Variants in CRYBG1 observed in about 807,000 individuals in gnomAD.
CRYBG1 encodes the protein crystallin beta-gamma domain containing 1, also known as beta/gamma crystallin domain-containing protein 1.
CRYBG1 carries 139 observed loss-of-function variants against 189.2 expected under a neutral mutation model. The ratio of observed to expected loss-of-function variants is 0.73; its 90% CI spans 0.64 to 0.85. The LOEUF (loss-of-function observed/expected upper bound fraction) is 0.85. CRYBG1 is among the 40% of genes least tolerant of loss of function. The pLI is 0.00. For missense variants in CRYBG1, 2,611 were observed against 2,675.8 expected (o/e 0.98, Z 0.53); for synonymous variants, 1,023 against 1,017.1 (o/e 1.01, Z -0.11).
In CRYBG1 at chr6:106,521,326, T is replaced by C. The variant is rs1162909071; in HGVS notation, c.4118T>C (p.Ile1373Thr). The C allele has an allele frequency of 3.7e-6, 6 of 1,614,056 alleles. No individual in the cohort carries two copies. The highest frequency in any genetic ancestry group is 4.5e-5 in the East Asian group (2 of 44,904). ...KNDDMEKANH[I>T]ESVIKSNLPN... is the part of the protein sequence containing the mutation. ...GATGATATGGAAAAGGCTAATCATA[T>C]TGAAAGTGTTATTAAATCAAACTTG... The change falls in exon 4 of 22, where the codon ATT (isoleucine) becomes ACT (threonine). Residue 1373 changes from isoleucine to threonine, a missense_variant. By Grantham distance (89) the Ile-to-Thr change is moderately conservative. Transcript: ENST00000633556.
At chr6:106,565,372 AAAC>A (rs1262183079) in intron 21 of CRYBG1, among the ~76,000 whole-genome samples, 2 of 152,192 alleles carry the variant, frequency 1.3e-5, no homozygotes, top group East Asian at 3.8e-4. Context: ...GATTTTTAAA[AAAC>A]AACTTTTCTG....
rs1774135394 is a variant in CRYBG1, at chr6:106,541,711, A to G, written c.4881+90A>G. 1.8e-5 allele frequency: 16 copies of G among 908,560 alleles called. No homozygotes were observed. The East Asian group carries it at 4.0e-4, about 23-fold the overall frequency. 56.3% of individuals were successfully genotyped at this position (908,560 alleles called of 1,614,324 possible). ...ATGTACTTAATGTTATTCCCACTCC[A>G]TCTCTATGAAGATATTGCTTATGTG... On this transcript the variant is annotated intron_variant, in intron 10 of 21. Coordinates refer to ENST00000633556, the MANE Select transcript of CRYBG1 (RefSeq NM_001371242.2).
chr6:106,522,268 C>T (rs1334069678), intron 4 of CRYBG1, among the ~76,000 whole-genome samples: 1 of 152,150 alleles, frequency 6.6e-6, no homozygotes, highest in Non-Finnish European at 1.5e-5. Flanking sequence ...CTCTTTGTTC[C>T]CATAAGTAGC....
Position 106,519,581 on chromosome 6 carries a change from A to G in CRYBG1, c.2373A>G (p.Thr791=). Residue 791 remains threonine, a synonymous_variant, in exon 4 of 22, where the codon ACA becomes ACG. Transcript: ENST00000633556. ...AAGATGATAAAGCAGATGTACAAAC[A>G]GATGCTGGCTGCCTTTCAGAACCAG... ...PNQDDKADVQ[T]DAGCLSEPVA... is the part of the protein sequence containing the mutation. 1 of 1,614,236 alleles carries G rather than the reference A, an allele frequency of 6.2e-7. No homozygotes were observed. Among genetic ancestry groups the G allele is most frequent in the Non-Finnish European group, 8.5e-7 (1 of 1,180,028 alleles).
rs143617229 is a variant in CRYBG1, at chr6:106,493,496, C to A, written c.313-17934C>A. 2.3e-4 allele frequency among the ~76,000 whole-genome samples: 35 copies of A among 152,236 alleles called. No individual in the cohort carries two copies. The East Asian group carries it at 6.6e-3, about 29-fold the overall frequency. ...TCTACCAGTCTCAGGGTGTATATAT[C>A]CAAAAGCATTGAGAGCAGGATCTCA... On this transcript the variant is annotated intron_variant, in intron 2 of 21. Transcript: ENST00000633556.
At chr6:106,562,473 T>C (rs142712666) in intron 20 of CRYBG1, among the ~76,000 whole-genome samples, 2 of 136,940 alleles carry the variant, frequency 1.5e-5, no homozygotes, top group Non-Finnish European at 3.1e-5. Flanking sequence ...AGTGCTTTCA[T>C]CTCAATATAG....
At chr6:106,486,637 C>T (rs9386555) in intron 2 of CRYBG1, among the ~76,000 whole-genome samples, 18,673 of 152,024 alleles carry the variant, frequency 0.12, 1,321 homozygotes, top group East Asian at 0.27. Context: ...ACAATAGTTA[C>T]AGCTTCTTGT....
At chr6:106,491,144 A>G (rs1772713771) in intron 2 of CRYBG1, among the ~76,000 whole-genome samples, 2 of 152,228 alleles carry the variant, frequency 1.3e-5, no homozygotes, top group African/African-American at 4.8e-5. Context: ...TGAAATACTC[A>G]CAAGTCGTGT....
At chr6:106,548,361 G>A (rs1774312108) in intron 13 of CRYBG1, among the ~76,000 whole-genome samples, 1 of 152,170 alleles carries the variant, frequency 6.6e-6, no homozygotes, top group Non-Finnish European at 1.5e-5. Flanking sequence ...GTCAGTTCAA[G>A]TAACATCTTA....
chr6:106,371,820 C>G lies in CRYBG1; in HGVS notation c.173+10739C>G, dbSNP rs184032012. On this transcript the variant is annotated intron_variant, in intron 1 of 21. Transcript: ENST00000633556. ...GCATTTTGTGATTGTCGTAATGTTA[C>G]CCTGTAAAAGGTTTCAAGTACTTTG... 7.9e-5 allele frequency among the ~76,000 whole-genome samples: 12 copies of G among 152,314 alleles called. No homozygotes were observed. The East Asian group carries it at 2.1e-3, about 27-fold the overall frequency.
intron 2 of CRYBG1, among the ~76,000 whole-genome samples, chr6:106,468,155 G>T (rs1772151952): frequency 6.6e-6 from 1 of 152,136 alleles, no homozygotes; most frequent in Non-Finnish European, 1.5e-5. Context: ...TAATGAAGAG[G>T]ATTTTGGATT....
intron 16 of CRYBG1, among the ~76,000 whole-genome samples, chr6:106,554,941 C>G (rs1177259405): frequency 3.9e-5 from 6 of 152,046 alleles, no homozygotes; most frequent in Non-Finnish European, 8.8e-5. Flanking sequence ...CCGAGGTGGG[C>G]AGATCACCAG....
intron 6 of CRYBG1, 99 bp from the exon 7 acceptor site, chr6:106,527,206 C>G (rs1430251561): frequency 1.1e-6 from 1 of 903,662 alleles, no homozygotes; most frequent in Non-Finnish European, 1.6e-6. Context: ...TGCTAATATT[C>G]TATATATATA....
intron 2 of CRYBG1, among the ~76,000 whole-genome samples, chr6:106,460,297 A>G (rs939993704): frequency 6.6e-5 from 10 of 152,040 alleles, no homozygotes; most frequent in African/African-American, 2.4e-4. Flanking sequence ...AGCCAGTCTG[A>G]GCTCTTTTGT....
intron 2 of CRYBG1, among the ~76,000 whole-genome samples, chr6:106,482,787 T>A (rs1772498250): frequency 6.8e-6 from 1 of 146,250 alleles, no homozygotes; most frequent in South Asian, 2.1e-4. Flanking sequence ...AAAATAATAA[T>A]CATAAAAAAG....
chr6:106,511,924 G>A lies in CRYBG1; in HGVS notation c.807G>A (p.Glu269=), dbSNP rs1468554106. The change falls in exon 3 of 22, where the codon GAG becomes GAA. Residue 269 remains glutamate (E), a synonymous_variant. Coordinates refer to ENST00000633556, the MANE Select transcript of CRYBG1 (RefSeq NM_001371242.2). The part of the protein sequence containing the change: ...PGNSSRQENA[E]TPARSPGEDA... ...ATTCCTCCAGGCAAGAGAACGCAGA[G>A]ACGCCCGCCCGCAGTCCGGGGGAGG... The A allele has an allele frequency of 5.2e-6, 8 of 1,525,214 alleles. No homozygotes were observed. In the East Asian group the frequency reaches 7.4e-5, roughly 14 times the overall value. The allele number at this position is 1,525,214 out of a possible 1,614,324, so 94.5% of individuals were successfully genotyped here.
At chr6:106,561,067 T>A (rs1300804861) in intron 19 of CRYBG1, 141 bp downstream of exon 19, 5 of 1,016,630 alleles carry the variant, frequency 4.9e-6, no homozygotes, top group Non-Finnish European at 7.0e-6. Context: ...CCCAATAATC[T>A]GGGCTCAGTT....
At chr6:106,556,166 C>T (rs537522749) in intron 17 of CRYBG1, among the ~76,000 whole-genome samples, 1 of 152,172 alleles carries the variant, frequency 6.6e-6, no homozygotes, top group Non-Finnish European at 1.5e-5. Context: ...AGTAGAATTA[C>T]TGGATTTCAC....
chr6:106,511,973 G>C lies in CRYBG1; in HGVS notation c.856G>C (p.Glu286Gln). ...GGACGCTTCACCAGGTGCTGGCCACGAACAGGAGGCTTTCCTGGGTGTGAG... is the reference window on the plus strand; with the variant it reads ...GGACGCTTCACCAGGTGCTGGCCACCAACAGGAGGCTTTCCTGGGTGTGAG... ...GEDASPGAGHEQEAFLGVRGA... is the reference protein window; with the variant it reads ...GEDASPGAGHQQEAFLGVRGA... The change falls in exon 3 of 22, where the codon GAA becomes CAA. Residue 286 changes from glutamate (E) to glutamine (Q), a missense_variant. Glu to Gln is a conservative substitution (Grantham distance 29). Coordinates refer to ENST00000633556, the MANE Select transcript of CRYBG1 (RefSeq NM_001371242.2). 2.0e-6 allele frequency: 3 copies of C among 1,529,650 alleles called. No homozygotes were observed. The highest frequency in any genetic ancestry group is 2.6e-6 in the Non-Finnish European group (3 of 1,143,092). The allele number at this position is 1,529,650 out of a possible 1,614,324, so 94.8% of individuals were successfully genotyped here. A position where few individuals can be genotyped will look rare whatever the true frequency, so the allele number is the denominator to read the frequency against.
Sources: gnomAD v4.1 joint callset for allele counts (sites outside exome capture counted in the v4.1 genomes callset) on GRCh38, gnomAD v4.1.1 for gene constraint, MANE v1.5 for transcripts, NCBI Gene and HGNC (gene_info 2026-07-23, HGNC 2026-07-21) for gene names.